ZFC3H1: variants seen among roughly 807,000 people sequenced by gnomAD.
ZFC3H1 encodes zinc finger C3H1 domain-containing protein.
In ZFC3H1, 71 loss-of-function variants were observed where a neutral mutation model predicts 243.7. That is an observed-to-expected ratio of 0.29 (90% CI 0.24 to 0.36). The LOEUF is 0.36. Among genes scored for constraint, ZFC3H1 ranks in the 10% least tolerant of loss-of-function variants. ZFC3H1 has a pLI of 1.00. For synonymous variants in ZFC3H1, 838 were observed against 813.0 expected (o/e 1.03, Z -0.52); for missense variants, 1,966 against 2,317.1 (o/e 0.85, Z 3.11).
intron 27 of ZFC3H1, among the ~76,000 whole-genome samples, chr12:71,616,807 C>T (rs1879905173): frequency 6.6e-6 from 1 of 152,116 alleles, no homozygotes; most frequent in South Asian, 2.1e-4. Context: ...GTTAGGTTAT[C>T]ATCCTGACTT....
intron 20 of ZFC3H1, 142 bp downstream of exon 20, chr12:71,628,776 C>G (rs1148996): frequency 0.59 from 447,121 of 764,302 alleles, 140,049 homozygotes; most frequent in Middle Eastern, 0.69. Context: ...ACTGTATTGT[C>G]TAAAAACCCA....
In ZFC3H1 at chr12:71,663,821, C is replaced by G. The variant is rs1053881735; in HGVS notation, c.-211G>C. 1 of 597,996 alleles carries G rather than the reference C, an allele frequency of 1.7e-6. No individual in the cohort carries two copies. 37.0% of individuals were successfully genotyped at this position (597,996 alleles called of 1,614,324 possible). ...GCAACCCAGTTCCCTTTCCTAGCGC[C>G]CCCTTGCTCCTCAGCGATCGGGGTT... On this transcript the variant is annotated 5_prime_UTR_variant, in exon 1 of 35. Transcript: ENST00000378743.
At chr12:71,638,274 T>C (rs1393191716) in intron 7 of ZFC3H1, 144 bp downstream of exon 7, 1 of 771,654 alleles carries the variant, frequency 1.3e-6, no homozygotes, top group Non-Finnish European at 2.0e-6. Flanking sequence ...TAATCAACTG[T>C]TTATTCTACG....
chr12:71,629,349 T>C (rs1359717691), intron 19 of ZFC3H1, among the ~76,000 whole-genome samples: 1 of 151,954 alleles, frequency 6.6e-6, no homozygotes. Context: ...CTATTTTTAG[T>C]AGAGACGGGG....
At chr12:71,652,105 A>C (rs893686056) in intron 2 of ZFC3H1, among the ~76,000 whole-genome samples, 11 of 152,202 alleles carry the variant, frequency 7.2e-5, no homozygotes, top group Non-Finnish European at 1.6e-4. Flanking sequence ...AGTTGTCAAG[A>C]GATATGGAAA....
chr12:71,635,772 G>A (rs1254754655), intron 9 of ZFC3H1, among the ~76,000 whole-genome samples, 192 bp from the exon 10 acceptor site: 2 of 151,984 alleles, frequency 1.3e-5, no homozygotes, highest in Non-Finnish European at 2.9e-5. Context: ...TATTCTTTAA[G>A]ACTTTCTATT....
chr12:71,625,339 G>A (rs1384352083), intron 22 of ZFC3H1, among the ~76,000 whole-genome samples: 1 of 152,122 alleles, frequency 6.6e-6, no homozygotes, highest in Non-Finnish European at 1.5e-5. Context: ...AAAAGTTCAG[G>A]TGAATATTTA....
In ZFC3H1 at chr12:71,656,889, A is replaced by C; in HGVS notation, c.1011T>G (p.Ser337Arg). 6.2e-7 allele frequency: 1 copy of C among 1,608,726 alleles called. No homozygotes were observed. Among genetic ancestry groups the C allele is most frequent in the South Asian group, 1.1e-5 (1 of 90,054 alleles). Residue 337 changes from serine to arginine, a missense_variant, in exon 2 of 35, where the codon AGT (serine) becomes AGG (arginine). Physicochemically the swap from Ser to Arg is moderately radical, Grantham distance 110. Transcript: ENST00000378743. ...LSLKSDTTDS[S>R]QGLQDKEQNL... ...TGAAATATTTAATTCCATTACCTTG[A>C]CTAGAATCAGTAGTGTCGGATTTCA...
rs375291949 is a variant in ZFC3H1 at position 71,627,836 on chromosome 12, T to A, written c.4045A>T (p.Asn1349Tyr). 6.2e-7 allele frequency: 1 copy of A among 1,613,966 alleles called. No individual in the cohort carries two copies. The highest frequency in any genetic ancestry group is 8.5e-7 in the Non-Finnish European group (1 of 1,179,926). The change falls in exon 21 of 35, where the codon AAT (asparagine) becomes TAT (tyrosine). Residue 1349 changes from asparagine (N) to tyrosine (Y), a missense_variant. Asn to Tyr is a moderately radical substitution (Grantham distance 143). Transcript: ENST00000378743. ...YFTNETDDIANLEASVLENPS... is the reference protein window; with the variant it reads ...YFTNETDDIAYLEASVLENPS... ...TTTTCAAGCACACTTGCTTCTAAAT[T>A]AGCGATGTCATCAGTCTCATTTGTA...
At position 71,631,086 on chromosome 12, in the gene ZFC3H1, T is replaced by C. The variant is rs536561961; in HGVS notation, c.3471-132A>G. 2.3e-5 allele frequency: 21 copies of C among 920,710 alleles called. No individual in the cohort carries two copies. In the East Asian group the frequency reaches 5.6e-4, roughly 25 times the overall value. The allele number at this position is 920,710 out of a possible 1,614,324, so 57.0% of individuals were successfully genotyped here. On this transcript the variant is annotated intron_variant, in intron 16 of 34. Transcript: ENST00000378743. ...TTTATGAGCTATTTATCTAATTAAA[T>C]TAATGCCAAAATTAATTCGAGAAAA... is the stretch of plus-strand genomic sequence containing the variant.
Position 71,633,360 on chromosome 12 carries a change from A to G in ZFC3H1, c.2589T>C (p.Asn863=). ...QEAKKKESVR[N]AEAKITKLTE... is the part of the protein sequence containing the mutation. ...TAAGTTTTGTAATCTTTGCTTCAGCATTTCTAACAGATTCTTTCTTCTTAG... is the reference window on the plus strand; with the variant it reads ...TAAGTTTTGTAATCTTTGCTTCAGCGTTTCTAACAGATTCTTTCTTCTTAG... The change falls in exon 13 of 35, where the codon AAT becomes AAC. Residue 863 remains asparagine, a synonymous_variant. Coordinates refer to ENST00000378743, the MANE Select transcript of ZFC3H1 (RefSeq NM_144982.5). 1 of 1,602,490 alleles carries G rather than the reference A, an allele frequency of 6.2e-7. No individual in the cohort carries two copies. Among genetic ancestry groups the G allele is most frequent in the Non-Finnish European group, 8.5e-7 (1 of 1,173,992 alleles).
intron 9 of ZFC3H1, among the ~76,000 whole-genome samples, chr12:71,635,941 A>C (rs1880447823): frequency 6.6e-6 from 1 of 152,210 alleles, no homozygotes; most frequent in South Asian, 2.1e-4. Flanking sequence ...ATAGAGGGTA[A>C]ATTGCCAAAA....
At chr12:71,642,284 G>A (rs1173592719) in intron 6 of ZFC3H1, 152 bp downstream of exon 6, 2 of 796,336 alleles carry the variant, frequency 2.5e-6, no homozygotes, top group East Asian at 5.9e-5. Context: ...TGCTCTCTAA[G>A]TATTTACAAC....
At chr12:71,626,763 T>C (rs1880178220) in intron 21 of ZFC3H1, among the ~76,000 whole-genome samples, 1 of 152,240 alleles carries the variant, frequency 6.6e-6, no homozygotes. Context: ...CAATACCTTT[T>C]ATGATTTACA....
chr12:71,638,438 G>C lies in ZFC3H1; in HGVS notation c.1705C>G (p.Pro569Ala), dbSNP rs1880519130. The change falls in exon 7 of 35, where the codon CCT becomes GCT. Residue 569 changes from proline (P) to alanine (A), a missense_variant. Pro to Ala is a conservative substitution (Grantham distance 27, BLOSUM62 -1). Coordinates refer to ENST00000378743, the MANE Select transcript of ZFC3H1 (RefSeq NM_144982.5). Reference sequence around the variant, plus strand: ...CTTACAGAAACCTGAGGTGGTGGAGGCAAAGAAAGAGATGGTGCTGGAGAA... The same window carrying C: ...CTTACAGAAACCTGAGGTGGTGGAGCCAAAGAAAGAGATGGTGCTGGAGAA... The part of the protein sequence containing the change: ...YFSPAPSLSL[P>A]PPPQVSSLPP... 9 of 1,612,520 alleles carry C rather than the reference G, an allele frequency of 5.6e-6. No individual in the cohort carries two copies. In the Admixed American group the frequency reaches 1.5e-4, roughly 27 times the overall value.
In ZFC3H1 at chr12:71,617,696, C is replaced by T. The variant is rs141828812; in HGVS notation, c.5144+1619G>A. Among the ~76,000 whole-genome samples the T allele has an allele frequency of 6.1e-3, 931 of 152,234 alleles. 5 individuals are homozygous for T. Among genetic ancestry groups the T allele is most frequent in the African/African-American group, 0.016 (664 of 41,514 alleles). On this transcript the variant is annotated intron_variant, in intron 27 of 34. Transcript: ENST00000378743. Reference sequence around the variant, plus strand: ...AGATGTTAAAGCAAACTAATTTAAACGAGGAAGAAACTGAGTATGGAGAAG... The same window carrying T: ...AGATGTTAAAGCAAACTAATTTAAATGAGGAAGAAACTGAGTATGGAGAAG...
intron 2 of ZFC3H1, among the ~76,000 whole-genome samples, chr12:71,653,427 C>A (rs751967114): frequency 1.3e-5 from 2 of 152,048 alleles, no homozygotes; most frequent in Non-Finnish European, 2.9e-5. Flanking sequence ...TAACATACAT[C>A]TATACAGAGT....
At chr12:71,623,858 G>A (rs564915077) in intron 23 of ZFC3H1, among the ~76,000 whole-genome samples, 2 of 151,838 alleles carry the variant, frequency 1.3e-5, no homozygotes, top group South Asian at 2.1e-4. Context: ...GTTTACCTGT[G>A]GATACTTAAC....
chr12:71,629,105 T>A, intron 19 of ZFC3H1, 68 bp from the exon 20 acceptor site: 1 of 1,315,310 alleles, frequency 7.6e-7, no homozygotes, highest in Non-Finnish European at 1.0e-6. Context: ...TGAAGGATAC[T>A]CAAATAATAT....
Sources: gnomAD v4.1 joint callset for allele counts (sites outside exome capture counted in the v4.1 genomes callset) on GRCh38, gnomAD v4.1.1 for gene constraint, MANE v1.5 for transcripts, NCBI Gene and HGNC (gene_info 2026-07-23, HGNC 2026-07-21) for gene names.